GALNTL6: variants seen among roughly 807,000 people sequenced by gnomAD.
The protein encoded by GALNTL6 is polypeptide N-acetylgalactosaminyltransferase like 6.
In GALNTL6, 46 loss-of-function variants were observed where a neutral mutation model predicts 73.7. The observed-to-expected ratio is 0.62, with a 90% CI of 0.49 to 0.80. The LOEUF is 0.80. GALNTL6 is among the 30% of genes least tolerant of loss of function. The pLI, the probability that GALNTL6 is intolerant of heterozygous loss-of-function variation, is 0.00. For synonymous variants in GALNTL6, 259 were observed against 263.7 expected, an observed-to-expected ratio of 0.98 and a Z score of 0.17; for missense variants, 604 against 755.0, an observed-to-expected ratio of 0.80 and a Z score of 2.34.
chr4:172,448,517 T>G (rs1420707066), intron 5 of GALNTL6, among the ~76,000 whole-genome samples: 4 of 152,200 alleles, frequency 2.6e-5, no homozygotes, highest in East Asian at 1.9e-4. Flanking sequence ...TTACTCATAT[T>G]TATAAAGCAG....
intron 5 of GALNTL6, among the ~76,000 whole-genome samples, chr4:172,712,582 G>A (rs898831163): frequency 6.6e-6 from 1 of 152,064 alleles, no homozygotes; most frequent in African/African-American, 2.4e-5. Context: ...GGTAATATGA[G>A]TGCCTTTCAC....
intron 3 of GALNTL6, among the ~76,000 whole-genome samples, chr4:172,298,111 A>G (rs1266872818): frequency 6.6e-6 from 1 of 152,072 alleles, no homozygotes; most frequent in Non-Finnish European, 1.5e-5. Context: ...TTCCCTTTGA[A>G]GCAATTGTGA....
rs72708708 is a variant in GALNTL6 at position 172,809,297 on chromosome 4, G to T, written c.554-64G>T. The T allele has an allele frequency of 5.3e-6, 7 of 1,331,504 alleles. No homozygotes were observed. Among genetic ancestry groups the T allele is most frequent in the Non-Finnish European group, 5.3e-6 (5 of 935,484 alleles). The allele number at this position is 1,331,504 out of a possible 1,614,324, so 82.5% of individuals were successfully genotyped here. A position where few individuals can be genotyped will look rare whatever the true frequency, so the allele number is the denominator to read the frequency against. On this transcript the variant is annotated intron_variant, in intron 5 of 12. Coordinates refer to ENST00000506823, the MANE Select transcript of GALNTL6 (RefSeq NM_001034845.3). The surrounding 1 kb of genome is among the most constrained non-coding windows in gnomAD (Gnocchi z 4.4). The stretch of plus-strand genomic sequence containing the variant: ...ACATACTCTCTATGCACAAACAACC[G>T]TGAATAATTCAGCTGCAACTAATGT...
In GALNTL6 at chr4:172,437,706, A is replaced by G. The variant is rs192990397; in HGVS notation, c.553+89017A>G. Among the ~76,000 whole-genome samples the G allele has an allele frequency of 2.6e-5, 4 of 152,222 alleles. No homozygotes were observed. In the East Asian group the frequency reaches 7.7e-4, roughly 29 times the overall value. On this transcript the variant is annotated intron_variant, in intron 5 of 12. Coordinates refer to ENST00000506823, the MANE Select transcript of GALNTL6 (RefSeq NM_001034845.3). ...GGTCTTAAAAGAATTCAATCTCTGA[A>G]TAGCATGTAATAATCCAGGAAGTCA...
At chr4:171,823,588 C>CAT (rs1295235607) in intron 2 of GALNTL6, among the ~76,000 whole-genome samples, 9 of 73,690 alleles carry the variant, frequency 1.2e-4, no homozygotes, top group African/African-American at 2.4e-4. Context: ...TATACACACA[C>CAT]ACATATATAT....
chr4:172,558,659 GC>G (rs772939432), intron 5 of GALNTL6, among the ~76,000 whole-genome samples: 12 of 152,078 alleles, frequency 7.9e-5, no homozygotes, highest in Non-Finnish European at 1.8e-4. Context: ...CCGAGTCTGT[GC>G]TATTTTTGTA....
intron 5 of GALNTL6, among the ~76,000 whole-genome samples, chr4:172,737,412 A>G (rs1350728800): frequency 6.6e-6 from 1 of 151,878 alleles, no homozygotes; most frequent in Non-Finnish European, 1.5e-5. Context: ...AAGAGCCTCT[A>G]ATGTGTTTTT....
chr4:171,920,216 C>G (rs1210573710), intron 2 of GALNTL6, among the ~76,000 whole-genome samples: 2 of 151,880 alleles, frequency 1.3e-5, no homozygotes, highest in Non-Finnish European at 2.9e-5. Flanking sequence ...ACATCACACA[C>G]CGGGGCCTGT....
intron 10 of GALNTL6, among the ~76,000 whole-genome samples, chr4:172,969,611 G>A (rs1005745239): frequency 5.3e-5 from 8 of 152,166 alleles, no homozygotes; most frequent in Middle Eastern, 3.2e-3. Flanking sequence ...TACACATTTT[G>A]TACCAGAAGA....
chr4:172,687,799 A>G (rs2111248662), intron 5 of GALNTL6, among the ~76,000 whole-genome samples: 2 of 152,172 alleles, frequency 1.3e-5, no homozygotes, highest in African/African-American at 4.8e-5. Flanking sequence ...TGGGCTGGGG[A>G]AAAGCCCCTA....
At chr4:172,655,637 C>T (rs749863043) in intron 5 of GALNTL6, among the ~76,000 whole-genome samples, 19 of 152,258 alleles carry the variant, frequency 1.2e-4, no homozygotes, top group African/African-American at 4.1e-4. Flanking sequence ...TATAAAAAGA[C>T]GTGACCTCAA....
intron 11 of GALNTL6, among the ~76,000 whole-genome samples, chr4:173,018,807 A>G (rs1277944762): frequency 2.0e-5 from 3 of 152,256 alleles, no homozygotes; most frequent in Non-Finnish European, 4.4e-5. Context: ...ATGTAGGTGG[A>G]AAGAACAGCA....
chr4:172,456,127 A>G (rs574233611), intron 5 of GALNTL6, among the ~76,000 whole-genome samples: 1 of 152,326 alleles, frequency 6.6e-6, no homozygotes, highest in South Asian at 2.1e-4. Flanking sequence ...AAGAAGGAAA[A>G]CTAACAAACA....
At chr4:172,113,527 A>C (rs1277417236) in intron 2 of GALNTL6, among the ~76,000 whole-genome samples, 1 of 152,026 alleles carries the variant, frequency 6.6e-6, no homozygotes, top group East Asian at 1.9e-4. Context: ...ATCTGAGTTA[A>C]GCAATGTCTA....
At chr4:172,961,330 G>C (rs1045559514) in intron 10 of GALNTL6, among the ~76,000 whole-genome samples, 2 of 150,492 alleles carry the variant, frequency 1.3e-5, no homozygotes, top group African/African-American at 2.4e-5. Flanking sequence ...AGTGGAGAAG[G>C]GGTAGAGAGA....
At chr4:172,657,445 A>G (rs72988596) in intron 5 of GALNTL6, among the ~76,000 whole-genome samples, 4 of 152,286 alleles carry the variant, frequency 2.6e-5, no homozygotes, top group African/African-American at 9.6e-5. Flanking sequence ...GCTATTTTTT[A>G]CCAATCAGTC....
chr4:172,697,933 C>A (rs905996902), intron 5 of GALNTL6, among the ~76,000 whole-genome samples: 4 of 152,076 alleles, frequency 2.6e-5, no homozygotes, highest in Non-Finnish European at 5.9e-5. Context: ...TGGATCAAAA[C>A]CCCCATGACA....
At chr4:171,818,597 G>A (rs539285064) in intron 2 of GALNTL6, among the ~76,000 whole-genome samples, 1 of 148,444 alleles carries the variant, frequency 6.7e-6, no homozygotes, top group African/African-American at 2.5e-5. Flanking sequence ...AAAAGCCTAG[G>A]TCCTCTATGT....
intron 5 of GALNTL6, among the ~76,000 whole-genome samples, chr4:172,716,576 G>A (rs1377663786): frequency 6.6e-6 from 1 of 152,094 alleles, no homozygotes; most frequent in East Asian, 1.9e-4. Context: ...ATTCTTCAGA[G>A]GATAAATATA....
Sources: allele counts gnomAD v4.1 joint callset (sites outside exome capture counted in the v4.1 genomes callset), GRCh38; gene constraint gnomAD v4.1.1; non-coding constraint Gnocchi (gnomAD v3.1); transcripts MANE v1.5; gene names NCBI Gene and HGNC (gene_info 2026-07-23, HGNC 2026-07-21).